The following NCAM2 variants were observed in gnomAD, a reference collection of about 807,000 sequenced individuals.
NCAM2 encodes the protein neural cell adhesion molecule 2, also known as N-CAM-2.
A neutral mutation model predicts 98.1 loss-of-function variants in NCAM2; 30 were observed. The ratio of observed to expected loss-of-function variants is 0.31; its 90% CI spans 0.23 to 0.41. The LOEUF is 0.41. Ranked by LOEUF, NCAM2 falls within the 10% of genes least tolerant of loss-of-function variation. The probability of loss-of-function intolerance (pLI) is 1.00; values close to 1 mark genes in which losing one functional copy is unlikely to be tolerated. For missense variants in NCAM2, 867 were observed against 1,005.8 expected, an observed-to-expected ratio of 0.86 and a Z score of 1.87; for synonymous variants, 368 against 342.4, an observed-to-expected ratio of 1.07 and a Z score of -0.83.
chr21:21,428,432 A>T (rs2077261218), intron 11 of NCAM2, among the ~76,000 whole-genome samples: 1 of 152,204 alleles, frequency 6.6e-6, no homozygotes, highest in Non-Finnish European at 1.5e-5. Flanking sequence ...CTAATGTTGT[A>T]ATGAAAATGA....
chr21:21,185,586 GA>G (rs1395583238), intron 1 of NCAM2, among the ~76,000 whole-genome samples: 1 of 152,108 alleles, frequency 6.6e-6, no homozygotes, highest in Non-Finnish European at 1.5e-5. Context: ...ATCACTTTGA[GA>G]AATGGTTTAG....
chr21:21,016,974 A>G (rs1174807534), intron 1 of NCAM2, among the ~76,000 whole-genome samples: 2 of 152,212 alleles, frequency 1.3e-5, no homozygotes, highest in African/African-American at 4.8e-5. Flanking sequence ...CTAGTCCTCC[A>G]AAAGCTTATG....
intron 1 of NCAM2, among the ~76,000 whole-genome samples, chr21:21,183,188 G>T (rs1465505226): frequency 1.3e-5 from 2 of 152,192 alleles, no homozygotes; most frequent in South Asian, 4.1e-4. Flanking sequence ...TGAGACAGGC[G>T]TTTGTTTATT....
chr21:21,338,312 A>G (rs1218785378), intron 7 of NCAM2, 77 bp from the exon 8 acceptor site: 2 of 1,344,348 alleles, frequency 1.5e-6, no homozygotes, highest in Middle Eastern at 2.5e-4. Flanking sequence ...AGTAGACTTA[A>G]ACACCCATCA....
chr21:21,130,098 G>GA (rs1187544010), intron 1 of NCAM2, among the ~76,000 whole-genome samples: 9 of 151,756 alleles, frequency 5.9e-5, no homozygotes, highest in Non-Finnish European at 1.0e-4. Context: ...GGAACAATGA[G>GA]AAAAAAATAA....
intron 1 of NCAM2, among the ~76,000 whole-genome samples, chr21:21,095,428 GTCTA>G (rs917101931): frequency 1.3e-5 from 2 of 151,426 alleles, no homozygotes; most frequent in African/African-American, 2.4e-5. Context: ...TCATCTTTCT[GTCTA>G]TCTATCTAGC....
chr21:21,349,514 G>C (rs2075279126), intron 8 of NCAM2, among the ~76,000 whole-genome samples: 1 of 152,114 alleles, frequency 6.6e-6, no homozygotes, highest in Non-Finnish European at 1.5e-5. Flanking sequence ...ATGGAGAACA[G>C]TTTGGAGGTT....
intron 1 of NCAM2, among the ~76,000 whole-genome samples, chr21:21,017,256 C>T (rs1665293220): frequency 6.6e-6 from 1 of 151,612 alleles, no homozygotes; most frequent in African/African-American, 2.4e-5. Flanking sequence ...GAAAACCCGT[C>T]TCTACTAAAA....
At position 21,284,456 on chromosome 21, in the gene NCAM2, C is replaced by A; in HGVS notation, c.337+56C>A. ...TTCAATTTCAGTTGCTTATAAATAA[C>A]CGAAAAAATAAAATGTTTGATAACA... On this transcript the variant is annotated intron_variant, in intron 3 of 17. Transcript: ENST00000400546. 5 of 1,320,434 alleles carry A rather than the reference C, an allele frequency of 3.8e-6. No homozygotes were observed. The Admixed American group carries it at 5.8e-5, about 15-fold the overall frequency. 81.8% of individuals were successfully genotyped at this position (1,320,434 alleles called of 1,614,324 possible).
At chr21:21,088,972 A>AG (rs1259545058) in intron 1 of NCAM2, among the ~76,000 whole-genome samples, 3 of 148,282 alleles carry the variant, frequency 2.0e-5, no homozygotes, top group African/African-American at 2.5e-5. Context: ...CTCTGTCTCA[A>AG]AAAAAAAAAA....
intron 1 of NCAM2, among the ~76,000 whole-genome samples, chr21:21,034,057 G>C (rs917306861): frequency 6.0e-5 from 9 of 150,884 alleles, no homozygotes; most frequent in African/African-American, 1.9e-4. Context: ...GGCAAAGGGG[G>C]GGGGGAAACA....
rs114860636 is a variant in NCAM2 at position 21,002,332 on chromosome 21, C to G, written c.55+3714C>G. On this transcript the variant is annotated intron_variant, in intron 1 of 17. Transcript: ENST00000400546. ...GGGAGCTAATTTTCTCCCCGAGGTA[C>G]TGTCCTACTAGAGAAGCAATTAATG... is the stretch of plus-strand genomic sequence containing the variant. Among the ~76,000 whole-genome samples the G allele has an allele frequency of 7.1e-3, 1,074 of 152,210 alleles. 8 individuals carry two copies. Among genetic ancestry groups the G allele is most frequent in the African/African-American group, 0.024 (987 of 41,526 alleles).
At chr21:21,427,746 C>A (rs1240663675) in intron 11 of NCAM2, among the ~76,000 whole-genome samples, 1 of 152,142 alleles carries the variant, frequency 6.6e-6, no homozygotes, top group African/African-American at 2.4e-5. Flanking sequence ...CATTACACAC[C>A]TCAAAAAATT....
intron 5 of NCAM2, among the ~76,000 whole-genome samples, chr21:21,302,719 A>T (rs990159922): frequency 6.6e-6 from 1 of 152,110 alleles, no homozygotes; most frequent in Non-Finnish European, 1.5e-5. Flanking sequence ...TAAAACAGAT[A>T]TACTATTCAA....
chr21:21,020,102 T>C (rs2064398871), intron 1 of NCAM2, among the ~76,000 whole-genome samples: 1 of 152,148 alleles, frequency 6.6e-6, no homozygotes, highest in South Asian at 2.1e-4. Context: ...AGTGGCGTGA[T>C]CTAAGTTCAC....
intron 5 of NCAM2, 56 bp from the exon 6 acceptor site, chr21:21,324,327 T>C: frequency 7.9e-7 from 1 of 1,260,790 alleles, no homozygotes; most frequent in Non-Finnish European, 1.1e-6. Context: ...ATTCTCTAAA[T>C]GATGGTAGTG....
At chr21:21,246,473 A>G (rs1172787232) in intron 1 of NCAM2, among the ~76,000 whole-genome samples, 2 of 152,224 alleles carry the variant, frequency 1.3e-5, no homozygotes. Context: ...ATACCAATAT[A>G]TTTGCATACA....
At chr21:21,393,367 AT>A (rs1181680394) in intron 9 of NCAM2, among the ~76,000 whole-genome samples, 1 of 151,912 alleles carries the variant, frequency 6.6e-6, no homozygotes, top group African/African-American at 2.4e-5. Flanking sequence ...CTTTTCTGTG[AT>A]TTTTTCCAGA....
intron 1 of NCAM2, among the ~76,000 whole-genome samples, chr21:21,130,133 G>T (rs1443382298): frequency 1.3e-4 from 20 of 152,046 alleles, no homozygotes; most frequent in Admixed American, 1.3e-3. Flanking sequence ...GGCTAACTAG[G>T]AATATTATCT....
Sources: allele counts gnomAD v4.1 joint callset (sites outside exome capture counted in the v4.1 genomes callset), GRCh38; gene constraint gnomAD v4.1.1; transcripts MANE v1.5; gene names NCBI Gene and HGNC (gene_info 2026-07-23, HGNC 2026-07-21).